GPD2: variants seen among roughly 807,000 people sequenced by gnomAD.
GPD2 encodes the protein glycerol-3-phosphate dehydrogenase, mitochondrial.
Under a neutral mutation model 82.4 loss-of-function variants are expected in GPD2, and 54 were observed. That is an observed-to-expected ratio of 0.66 (90% confidence interval 0.53 to 0.82). The LOEUF (loss-of-function observed/expected upper bound fraction) is 0.82. Among genes scored for constraint, GPD2 ranks in the 40% least tolerant of loss-of-function variants. The pLI, the probability that GPD2 is intolerant of heterozygous loss-of-function variation, is 0.00. For synonymous variants in GPD2, 288 were observed against 306.1 expected, an observed-to-expected ratio of 0.94 and a Z score of 0.62; for missense variants, 748 against 896.2, an observed-to-expected ratio of 0.83 and a Z score of 2.11.
intron 6 of GPD2, among the ~76,000 whole-genome samples, chr2:156,547,225 G>A (rs1470509061): frequency 2.6e-5 from 4 of 152,174 alleles, no homozygotes; most frequent in African/African-American, 9.6e-5. Flanking sequence ...ATTTAAAAAG[G>A]TGTATACAAG....
chr2:156,443,910 G>A (rs1269278160), intron 1 of GPD2, among the ~76,000 whole-genome samples: 1 of 152,154 alleles, frequency 6.6e-6, no homozygotes, highest in Non-Finnish European at 1.5e-5. Context: ...CTTATCAAAG[G>A]CGTTGGATTC....
upstream of GPD2, among the ~76,000 whole-genome samples, chr2:156,432,817 G>GA (rs1391607093): frequency 2.6e-5 from 4 of 152,176 alleles, no homozygotes; most frequent in Non-Finnish European, 1.5e-5. Context: ...GCACGGTCTT[G>GA]AAAAAGAAGA....
chr2:156,442,090 C>T (rs1682195267), intron 1 of GPD2, among the ~76,000 whole-genome samples: 2 of 151,948 alleles, frequency 1.3e-5, no homozygotes, highest in Non-Finnish European at 2.9e-5. Context: ...CTAGTATGTC[C>T]TCTGTGGAAT....
Position 156,505,169 on chromosome 2 carries a change from TTCTC to T in GPD2, c.275-5626_275-5623del, listed in dbSNP as rs532889373. On this transcript the variant is annotated intron_variant, in intron 3 of 16. Coordinates refer to ENST00000438166, the MANE Select transcript of GPD2 (RefSeq NM_000408.5). ...TGGTTTAGTTGGAAGTAATTAGAAA[TTCTC>T]ACTCAGGTCAGAAAAGACAAAGCTG... Among the ~76,000 whole-genome samples the T allele has an allele frequency of 5.4e-4, 83 of 152,302 alleles. 1 individual carries two copies. The highest frequency in any genetic ancestry group is 2.1e-3 in the South Asian group (10 of 4,822).
Position 156,513,343 on chromosome 2 carries a change from T to C in GPD2, c.508T>C (p.Leu170=). The change falls in exon 6 of 17, where the codon TTA becomes CTA. Residue 170 remains leucine, a synonymous_variant. Coordinates refer to ENST00000438166, the MANE Select transcript of GPD2 (RefSeq NM_000408.5). The stretch of plus-strand genomic sequence containing the variant: ...CTATTTATGCTGTAGGTGGTGGCAG[T>C]TACCTTACTACTGGGTAGGAATCAA... ...IMLPVYKWWQ[L]PYYWVGIKLY... 3 of 1,610,592 alleles carry C rather than the reference T, an allele frequency of 1.9e-6. No homozygotes were observed. The highest frequency in any genetic ancestry group is 2.5e-6 in the Non-Finnish European group (3 of 1,178,244).
intron 6 of GPD2, among the ~76,000 whole-genome samples, chr2:156,528,627 C>T (rs534835273): frequency 5.1e-5 from 7 of 137,464 alleles, no homozygotes; most frequent in East Asian, 4.4e-4. Flanking sequence ...TGTGATGTTC[C>T]CCTTCCTGTG....
the GPD2 span, among the ~76,000 whole-genome samples, chr2:156,417,996 C>A: frequency 1.3e-5 from 2 of 152,104 alleles, no homozygotes; most frequent in African/African-American, 4.8e-5. Context: ...GTGGGCGGAT[C>A]ACGAGGTCAG....
chr2:156,533,790 C>G (rs116463237), intron 6 of GPD2, among the ~76,000 whole-genome samples: 3,033 of 152,280 alleles, frequency 0.02, 102 homozygotes, highest in African/African-American at 0.069. Context: ...ATGGGTGTGG[C>G]TCATCTGTTC....
At chr2:156,436,056 G>A (rs1252893255), upstream of GPD2, among the ~76,000 whole-genome samples, 1 of 152,220 alleles carries the variant, frequency 6.6e-6, no homozygotes, top group East Asian at 1.9e-4. Context: ...GGCGCTGCGC[G>A]ACCCCACCCG....
At chr2:156,521,082 C>A (rs1685390487) in intron 6 of GPD2, among the ~76,000 whole-genome samples, 1 of 151,970 alleles carries the variant, frequency 6.6e-6, no homozygotes, top group African/African-American at 2.4e-5. Context: ...TTCATAGAAG[C>A]ACTGGGTATA....
chr2:156,501,267 T>C (rs1287995916), intron 3 of GPD2, among the ~76,000 whole-genome samples: 1 of 152,170 alleles, frequency 6.6e-6, no homozygotes, highest in African/African-American at 2.4e-5. Flanking sequence ...TAATTGTAGT[T>C]CTCTTGTTTA....
At chr2:156,579,286 A>G (rs1687940733) in intron 15 of GPD2, 122 bp downstream of exon 15, 1 of 669,702 alleles carries the variant, frequency 1.5e-6, no homozygotes, top group Non-Finnish European at 2.6e-6. Context: ...AGATTTAGTA[A>G]CATTAGTGAA....
intron 1 of GPD2, among the ~76,000 whole-genome samples, chr2:156,463,153 A>G (rs1283486233): frequency 2.0e-5 from 3 of 152,204 alleles, no homozygotes; most frequent in Admixed American, 2.0e-4. Flanking sequence ...GGCCATCACC[A>G]TATCATAGCA....
intron 6 of GPD2, among the ~76,000 whole-genome samples, chr2:156,538,910 A>G (rs1383994389): frequency 1.3e-5 from 2 of 152,112 alleles, no homozygotes; most frequent in African/African-American, 4.8e-5. Context: ...TAGCTTAAAA[A>G]ACAATATCTG....
intron 3 of GPD2, among the ~76,000 whole-genome samples, chr2:156,503,064 G>A (rs1251173528): frequency 1.3e-5 from 2 of 152,016 alleles, no homozygotes; most frequent in African/African-American, 2.4e-5. Flanking sequence ...TTGATTTTGG[G>A]GACCTTGCAG....
chr2:156,500,016 A>G (rs991399769), intron 3 of GPD2, among the ~76,000 whole-genome samples: 4 of 152,006 alleles, frequency 2.6e-5, no homozygotes. Flanking sequence ...TTAGCAGATG[A>G]TTGTGGGTGA....
chr2:156,446,289 T>C (rs1682368986), intron 1 of GPD2, among the ~76,000 whole-genome samples: 1 of 151,866 alleles, frequency 6.6e-6, no homozygotes, highest in Admixed American at 6.6e-5. Flanking sequence ...AGAGATGGGG[T>C]TTTGCCATGT....
chr2:156,415,273 C>T, the GPD2 span, among the ~76,000 whole-genome samples: 1 of 151,556 alleles, frequency 6.6e-6, no homozygotes, highest in Non-Finnish European at 1.5e-5. Flanking sequence ...GTTCTCCTGC[C>T]TCAGCCTCCC....
At chr2:156,573,530 A>G (rs143181046) in intron 13 of GPD2, among the ~76,000 whole-genome samples, 245 of 152,282 alleles carry the variant, frequency 1.6e-3, no homozygotes, top group African/African-American at 5.0e-3. Context: ...GAATGATTTG[A>G]ATATGCAGGA....
Sources: gnomAD v4.1 joint callset for allele counts (sites outside exome capture counted in the v4.1 genomes callset) on GRCh38, gnomAD v4.1.1 for gene constraint, MANE v1.5 for transcripts, NCBI Gene and HGNC (gene_info 2026-07-23, HGNC 2026-07-21) for gene names.